ROBO2: variants seen among roughly 807,000 people sequenced by gnomAD.
The protein encoded by ROBO2 is roundabout guidance receptor 2, also known as roundabout homolog 2.
A neutral mutation model predicts 160.8 loss-of-function variants in ROBO2; 53 were observed. The ratio of observed to expected loss-of-function variants is 0.33; its 90% confidence interval spans 0.26 to 0.41. ROBO2 has a LOEUF of 0.41. Among genes scored for constraint, ROBO2 ranks in the 10% least tolerant of loss-of-function variants. The pLI is 1.00. For missense variants in ROBO2, 1,577 were observed against 1,722.4 expected (o/e 0.92, Z 1.49); for synonymous variants, 664 against 611.7 (o/e 1.09, Z -1.26).
intron 25 of ROBO2, 138 bp from the exon 28 acceptor site, chr3:77,645,916 A>G (rs1290229135): frequency 5.6e-5 from 31 of 549,188 alleles, no homozygotes; most frequent in Admixed American, 1.1e-4. Context: ...TTCAAGTAAA[A>G]TTACTTAAAT....
intron 2 of ROBO2, among the ~76,000 whole-genome samples, chr3:77,165,644 A>G (rs1459688222): frequency 6.6e-6 from 1 of 152,124 alleles, no homozygotes; most frequent in East Asian, 1.9e-4. Flanking sequence ...ATATTTTTGT[A>G]AACTTTTAAT....
chr3:76,285,788 T>C (rs1211616325), intron 2 of ROBO2, among the ~76,000 whole-genome samples: 1 of 152,198 alleles, frequency 6.6e-6, no homozygotes, highest in East Asian at 1.9e-4. Context: ...TTTCCTTTCA[T>C]GTTTTCATGT....
chr3:77,025,287 T>C lies in ROBO2; in HGVS notation c.110-72727T>C, dbSNP rs2062896795. Among the ~76,000 whole-genome samples the C allele has an allele frequency of 2.0e-5, 3 of 152,216 alleles. No individual in the cohort carries two copies. In the South Asian group the frequency reaches 6.2e-4, roughly 31 times the overall value. On this transcript the variant is annotated intron_variant, in intron 2 of 26. Transcript: ENST00000487694. Reference sequence around the variant, plus strand: ...TATGCTTAAGCCTGCTATCAGCTCATAAGACTCTTCCAAAATAGTTTCTAT... The same window carrying C: ...TATGCTTAAGCCTGCTATCAGCTCACAAGACTCTTCCAAAATAGTTTCTAT...
chr3:76,037,446 C>T (rs562819438), intron 2 of ROBO2, among the ~76,000 whole-genome samples: 9 of 151,588 alleles, frequency 5.9e-5, no homozygotes, highest in Admixed American at 2.0e-4. Context: ...TTACTAGAGA[C>T]GGGGTTTCAC....
At chr3:76,255,087 T>A (rs375659755) in intron 2 of ROBO2, among the ~76,000 whole-genome samples, 2 of 152,016 alleles carry the variant, frequency 1.3e-5, no homozygotes, top group East Asian at 3.9e-4. Flanking sequence ...GGATAAGAAG[T>A]TGGAGAGAGG....
chr3:77,368,471 G>T (rs2071261431), intron 2 of ROBO2, among the ~76,000 whole-genome samples: 1 of 152,100 alleles, frequency 6.6e-6, no homozygotes, highest in South Asian at 2.1e-4. Context: ...CACCAAATTT[G>T]CTCATTGGTG....
At chr3:76,941,601 G>A (rs1034216523) in intron 2 of ROBO2, among the ~76,000 whole-genome samples, 2 of 152,126 alleles carry the variant, frequency 1.3e-5, no homozygotes, top group African/African-American at 2.4e-5. Flanking sequence ...ACCAATCATC[G>A]GAAGGCTCCA....
chr3:76,028,287 G>C (rs1367895725), intron 2 of ROBO2, among the ~76,000 whole-genome samples: 2 of 151,728 alleles, frequency 1.3e-5, no homozygotes, highest in African/African-American at 4.8e-5. Flanking sequence ...GGTAAACTAG[G>C]CCCTCTTCCA....
At chr3:76,351,462 T>A (rs2074869638) in intron 2 of ROBO2, among the ~76,000 whole-genome samples, 1 of 151,948 alleles carries the variant, frequency 6.6e-6, no homozygotes, top group African/African-American at 2.4e-5. Flanking sequence ...AGTATTGGGT[T>A]TGTCCATTGG....
intron 2 of ROBO2, among the ~76,000 whole-genome samples, chr3:76,532,191 C>T (rs1176336343): frequency 2.0e-5 from 3 of 152,194 alleles, no homozygotes; most frequent in African/African-American, 7.2e-5. Flanking sequence ...TAAGCTTCTC[C>T]ATACAATAGC....
intron 2 of ROBO2, among the ~76,000 whole-genome samples, chr3:76,658,642 C>A: frequency 6.6e-6 from 1 of 152,120 alleles, no homozygotes; most frequent in East Asian, 1.9e-4. Flanking sequence ...CAGCTTCATC[C>A]ATGTCTCTGC....
At chr3:76,032,072 G>T (rs981824134) in intron 2 of ROBO2, among the ~76,000 whole-genome samples, 3 of 151,898 alleles carry the variant, frequency 2.0e-5, no homozygotes, top group Admixed American at 1.3e-4. Context: ...ACTTCTTCCT[G>T]GTTTAGTCTT....
chr3:77,091,843 G>A (rs2070313266), intron 1 of ROBO2, among the ~76,000 whole-genome samples: 3 of 151,898 alleles, frequency 2.0e-5, no homozygotes, highest in Admixed American at 2.0e-4. Context: ...AGCCAGGTGT[G>A]GTGGTGCGTG....
intron 2 of ROBO2, among the ~76,000 whole-genome samples, chr3:77,438,314 G>A (rs1310217002): frequency 6.6e-6 from 1 of 151,860 alleles, no homozygotes; most frequent in Non-Finnish European, 1.5e-5. Flanking sequence ...CATCCAAAGA[G>A]GACTAGCAAT....
At chr3:76,531,485 TTTTAA>T (rs1362805507) in intron 2 of ROBO2, among the ~76,000 whole-genome samples, 1 of 151,670 alleles carries the variant, frequency 6.6e-6, no homozygotes, top group Non-Finnish European at 1.5e-5. Context: ...CGAATATATT[TTTTAA>T]TTAACTTATG....
chr3:77,538,035 T>A (rs1423608209), intron 6 of ROBO2, among the ~76,000 whole-genome samples: 1 of 152,024 alleles, frequency 6.6e-6, no homozygotes, highest in East Asian at 1.9e-4. Context: ...AGGATTTTTA[T>A]TATTAGCTAC....
intron 2 of ROBO2, among the ~76,000 whole-genome samples, chr3:77,031,617 A>G (rs922381725): frequency 5.5e-5 from 8 of 146,314 alleles, no homozygotes; most frequent in Non-Finnish European, 6.0e-5. Context: ...CATTATTGAT[A>G]TAAATTAATT....
intron 2 of ROBO2, among the ~76,000 whole-genome samples, chr3:77,301,474 C>T (rs539376055): frequency 3.8e-4 from 58 of 152,166 alleles, no homozygotes; most frequent in Admixed American, 7.9e-4. Flanking sequence ...ATGTATTACA[C>T]CAAAATTATA....
At chr3:76,612,312 AT>A (rs2088191808) in intron 2 of ROBO2, among the ~76,000 whole-genome samples, 1 of 152,088 alleles carries the variant, frequency 6.6e-6, no homozygotes, top group African/African-American at 2.4e-5. Context: ...TTCTTTGTTG[AT>A]TTTCTATCTG....
Sources: allele counts gnomAD v4.1 joint callset (sites outside exome capture counted in the v4.1 genomes callset), GRCh38; gene constraint gnomAD v4.1.1; transcripts MANE v1.5; gene names NCBI Gene and HGNC (gene_info 2026-07-23, HGNC 2026-07-21).